Variants in ARHGAP15 observed in about 807,000 individuals in gnomAD.
The protein encoded by ARHGAP15 is rho GTPase-activating protein 15.
ARHGAP15 carries 51 observed loss-of-function variants against 63.7 expected under a neutral mutation model. That is an observed-to-expected ratio of 0.80 (90% CI 0.64 to 1.01). ARHGAP15 has a LOEUF of 1.01. Ranked by LOEUF, ARHGAP15 falls within the 50% of genes least tolerant of loss-of-function variation. ARHGAP15 has a pLI of 0.00. For missense variants in ARHGAP15, 560 were observed against 564.6 expected (o/e 0.99, Z 0.08); for synonymous variants, 191 against 193.8 (o/e 0.99, Z 0.12).
chr2:143,510,018 T>TAAAAAAAAAAAAAAAAAAAAAAAAAA (rs35469918), intron 9 of ARHGAP15, among the ~76,000 whole-genome samples: 1 of 48,808 alleles, frequency 2.0e-5, no homozygotes, highest in Non-Finnish European at 3.6e-5. Context: ...GACTCCCTCT[T>TAAAAAAAAAAAAAAAAAAAAAAAAAA]AAAAAAAAAA....
intron 9 of ARHGAP15, among the ~76,000 whole-genome samples, chr2:143,494,455 A>G (rs1692727011): frequency 6.6e-6 from 1 of 152,202 alleles, no homozygotes; most frequent in African/African-American, 2.4e-5. Flanking sequence ...AACTCAATAA[A>G]TATTCGGTAA....
At chr2:143,395,913 C>A (rs578201579) in intron 6 of ARHGAP15, among the ~76,000 whole-genome samples, 13 of 151,944 alleles carry the variant, frequency 8.6e-5, no homozygotes, top group Non-Finnish European at 1.9e-4. Flanking sequence ...CAAGCAGAGA[C>A]AAGGTGAGTT....
intron 2 of ARHGAP15, among the ~76,000 whole-genome samples, chr2:143,174,969 A>T (rs559962670): frequency 1.3e-5 from 2 of 152,324 alleles, no homozygotes; most frequent in East Asian, 1.9e-4. Context: ...CTGCTAAAAA[A>T]GTAACAACAC....
chr2:143,420,403 A>G (rs901899860), intron 6 of ARHGAP15, among the ~76,000 whole-genome samples: 4 of 152,170 alleles, frequency 2.6e-5, no homozygotes, highest in African/African-American at 9.6e-5. Context: ...GGGGAATTGT[A>G]TTGTGTATCT....
chr2:143,448,854 T>G (rs1690266391), intron 8 of ARHGAP15, among the ~76,000 whole-genome samples: 2 of 151,936 alleles, frequency 1.3e-5, no homozygotes. Flanking sequence ...CATTAAAATT[T>G]GAAAAAAACA....
At chr2:143,318,321 C>G (rs920541005) in intron 6 of ARHGAP15, among the ~76,000 whole-genome samples, 2 of 151,980 alleles carry the variant, frequency 1.3e-5, no homozygotes, top group Non-Finnish European at 2.9e-5. Flanking sequence ...AACTTTCACA[C>G]AGTCAGAACG....
rs144680470 is a variant in ARHGAP15, at chr2:143,599,454, T to C, written c.1004-24679T>C. 1.6e-3 allele frequency among the ~76,000 whole-genome samples: 246 copies of C among 152,102 alleles called. 1 individual carries two copies. The highest frequency in any genetic ancestry group is 5.7e-3 in the African/African-American group (236 of 41,504). ...CAAAAATTAATCTGAGCATAAGCAA[T>C]GGGCAATGTGAGTGTTGAGGATCGC... On this transcript the variant is annotated intron_variant, in intron 11 of 13. Transcript: ENST00000295095.
At chr2:143,334,941 A>G (rs1351356694) in intron 6 of ARHGAP15, among the ~76,000 whole-genome samples, 1 of 152,200 alleles carries the variant, frequency 6.6e-6, no homozygotes, top group East Asian at 1.9e-4. Flanking sequence ...TACTACTGTA[A>G]GTAAAAGGCA....
At chr2:143,186,937 T>C (rs1691472739) in intron 2 of ARHGAP15, among the ~76,000 whole-genome samples, 1 of 152,184 alleles carries the variant, frequency 6.6e-6, no homozygotes, top group Non-Finnish European at 1.5e-5. Context: ...GATTTGAATA[T>C]GAAATGGTGT....
intron 12 of ARHGAP15, among the ~76,000 whole-genome samples, chr2:143,677,449 A>G (rs1362918507): frequency 1.3e-5 from 2 of 152,154 alleles, no homozygotes; most frequent in Middle Eastern, 6.3e-3. Context: ...TCAAGTACCC[A>G]CAGAAATTTG....
chr2:143,430,650 TTAC>T (rs1423384806), intron 6 of ARHGAP15, among the ~76,000 whole-genome samples: 3 of 152,018 alleles, frequency 2.0e-5, no homozygotes, highest in Non-Finnish European at 4.4e-5. Context: ...ATGGACAAAA[TTAC>T]TATCACAAAA....
At chr2:143,489,063 A>C (rs966718806) in intron 9 of ARHGAP15, among the ~76,000 whole-genome samples, 3 of 152,214 alleles carry the variant, frequency 2.0e-5, no homozygotes, top group Non-Finnish European at 4.4e-5. Context: ...GTTAACTGCC[A>C]TCTTGAAAAA....
chr2:143,196,692 A>G (rs1453959364), intron 2 of ARHGAP15, among the ~76,000 whole-genome samples: 1 of 151,974 alleles, frequency 6.6e-6, no homozygotes, highest in African/African-American at 2.4e-5. Context: ...ACATTCCATC[A>G]TTTATAAATA....
intron 12 of ARHGAP15, among the ~76,000 whole-genome samples, chr2:143,685,649 G>T (rs913323624): frequency 1.3e-5 from 2 of 152,120 alleles, no homozygotes; most frequent in South Asian, 4.2e-4. Context: ...AGCAGGGTTC[G>T]CAATGCCAGT....
intron 8 of ARHGAP15, among the ~76,000 whole-genome samples, chr2:143,452,570 G>C (rs1409375223): frequency 2.0e-5 from 3 of 151,842 alleles, no homozygotes; most frequent in Non-Finnish European, 4.4e-5. Context: ...AACAGTTTAA[G>C]GATAAGTATG....
At chr2:143,332,127 C>T (rs1684575645) in intron 6 of ARHGAP15, among the ~76,000 whole-genome samples, 1 of 152,100 alleles carries the variant, frequency 6.6e-6, no homozygotes, top group African/African-American at 2.4e-5. Flanking sequence ...TTCCTTTCAC[C>T]TATTTGTACA....
At chr2:143,552,455 TACTC>T (rs894673566) in intron 10 of ARHGAP15, among the ~76,000 whole-genome samples, 2 of 152,218 alleles carry the variant, frequency 1.3e-5, no homozygotes, top group Middle Eastern at 3.4e-3. Flanking sequence ...TGGTGGGAAT[TACTC>T]ATAACAGCTG....
intron 11 of ARHGAP15, among the ~76,000 whole-genome samples, chr2:143,596,139 A>C (rs1234824501): frequency 6.6e-6 from 1 of 152,108 alleles, no homozygotes; most frequent in Non-Finnish European, 1.5e-5. Flanking sequence ...TGAAATGAAG[A>C]CCTTAGAATG....
intron 12 of ARHGAP15, among the ~76,000 whole-genome samples, chr2:143,670,262 C>T (rs1413520948): frequency 2.6e-5 from 4 of 152,158 alleles, no homozygotes; most frequent in Admixed American, 6.6e-5. Context: ...AATGAGAAGA[C>T]CTCACCTGTT....
Sources: allele counts gnomAD v4.1 joint callset (sites outside exome capture counted in the v4.1 genomes callset), GRCh38; gene constraint gnomAD v4.1.1; transcripts MANE v1.5; gene names NCBI Gene and HGNC (gene_info 2026-07-23, HGNC 2026-07-21).